The following ADAM10 variants were observed in gnomAD, a reference collection of about 807,000 sequenced individuals.
The protein encoded by ADAM10 is ADAM metallopeptidase domain 10, also known as disintegrin and metalloproteinase domain-containing protein 10.
In ADAM10, 17 loss-of-function variants were observed where a neutral mutation model predicts 90.1. That is an observed-to-expected ratio of 0.19 (90% CI 0.13 to 0.28). The LOEUF (loss-of-function observed/expected upper bound fraction) is 0.28, where lower values mean the gene tolerates loss of function less well. Among genes scored for constraint, ADAM10 ranks in the 10% least tolerant of loss-of-function variants. The pLI is 1.00. For synonymous variants in ADAM10, 310 were observed against 298.6 expected (o/e 1.04, Z -0.40); for missense variants, 610 against 914.3 (o/e 0.67, Z 4.29).
At chr15:58,602,953 AT>A (rs1895155866) in intron 14 of ADAM10, among the ~76,000 whole-genome samples, 1 of 152,214 alleles carries the variant, frequency 6.6e-6, no homozygotes, top group Admixed American at 6.5e-5. Flanking sequence ...TTTAAAATCT[AT>A]TTTTAAATGC....
At chr15:58,675,485 T>C (rs1290783523) in intron 4 of ADAM10, among the ~76,000 whole-genome samples, 1 of 152,206 alleles carries the variant, frequency 6.6e-6, no homozygotes, top group Non-Finnish European at 1.5e-5. Context: ...TATTCTAGTT[T>C]ATGGAACAAT....
At chr15:58,739,088 T>A (rs918536323) in intron 1 of ADAM10, among the ~76,000 whole-genome samples, 1 of 152,064 alleles carries the variant, frequency 6.6e-6, no homozygotes, top group Non-Finnish European at 1.5e-5. Context: ...TGCTCTACAT[T>A]AAAGAAAAAG....
chr15:58,683,692 T>G (rs548746688), intron 2 of ADAM10, among the ~76,000 whole-genome samples: 2 of 151,638 alleles, frequency 1.3e-5, no homozygotes, highest in Admixed American at 6.6e-5. Context: ...CAAAACCGTC[T>G]CTACTAAAAA....
chr15:58,666,579 T>C (rs1474272174), intron 4 of ADAM10, among the ~76,000 whole-genome samples: 1 of 151,886 alleles, frequency 6.6e-6, no homozygotes, highest in Non-Finnish European at 1.5e-5. Context: ...TAATAATCAA[T>C]GGGGAAAAAA....
At chr15:58,620,336 AC>A (rs1895742312) in intron 11 of ADAM10, among the ~76,000 whole-genome samples, 1 of 152,034 alleles carries the variant, frequency 6.6e-6, no homozygotes, top group Admixed American at 6.6e-5. Flanking sequence ...GCATGGAGGC[AC>A]ACACCTGTAG....
chr15:58,594,377 T>C lies in ADAM10; in HGVS notation c.*3170A>G, dbSNP rs867600175. The C allele has an allele frequency of 5.3e-5, 8 of 152,312 alleles. 1 individual carries two copies. Among genetic ancestry groups the C allele is most frequent in the Middle Eastern group, 3.4e-3 (1 of 294 alleles). 9.4% of individuals were successfully genotyped at this position (152,312 alleles called of 1,614,324 possible). A position where few individuals can be genotyped will look rare whatever the true frequency, so the allele number is the denominator to read the frequency against. On this transcript the variant is annotated 3_prime_UTR_variant, in exon 16 of 16. Transcript: ENST00000260408. ...CAATCCCATCTTTAAGAAATAATAATAATTAGGTCTTACTACAGGGACAAA... is the reference window on the plus strand; with the variant it reads ...CAATCCCATCTTTAAGAAATAATAACAATTAGGTCTTACTACAGGGACAAA...
intron 5 of ADAM10, among the ~76,000 whole-genome samples, chr15:58,646,552 T>C (rs146290713): frequency 1.3e-5 from 2 of 152,304 alleles, no homozygotes; most frequent in East Asian, 1.9e-4. Context: ...CAAATTTATC[T>C]CCTAAATACC....
chr15:58,599,808 A>C (rs1310812502), intron 14 of ADAM10, 84 bp from the exon 15 acceptor site: 3 of 1,361,518 alleles, frequency 2.2e-6, no homozygotes, highest in Non-Finnish European at 3.1e-6. Context: ...AAAACATAGA[A>C]TAGAACACAG....
In ADAM10 at chr15:58,667,385, C is replaced by CTT. The variant is rs1166912631; in HGVS notation, c.485-2189_485-2188insAA. 3.3e-5 allele frequency among the ~76,000 whole-genome samples: 5 copies of CTT among 152,242 alleles called. No individual in the cohort carries two copies. In the East Asian group the frequency reaches 9.7e-4, roughly 29 times the overall value. ...CAGATTCTCTGTCAACAGAACTAGG[C>CTT]ATAAAATACTCACTTTTTGCACCCT... On this transcript the variant is annotated intron_variant, in intron 4 of 15. Transcript: ENST00000260408.
At chr15:58,695,900 G>A (rs567025688) in intron 2 of ADAM10, among the ~76,000 whole-genome samples, 7 of 151,920 alleles carry the variant, frequency 4.6e-5, no homozygotes, top group Admixed American at 6.5e-5. Flanking sequence ...GTGGATCACC[G>A]GAGGTCAGGA....
rs543993474 is a variant in ADAM10, at chr15:58,610,166, A to C, written c.2025+131T>G. ...TAATAACCAGAAATATTAGAACTTT[A>C]AAAATCTTCATATAAAGTAATTCTA... On this transcript the variant is annotated intron_variant, in intron 14 of 15. Coordinates refer to ENST00000260408, the MANE Select transcript of ADAM10 (RefSeq NM_001110.4). 2.0e-5 allele frequency: 16 copies of C among 786,630 alleles called. No individual in the cohort carries two copies. The South Asian group carries it at 2.5e-4, about 12-fold the overall frequency. The allele number at this position is 786,630 out of a possible 1,614,324, so 48.7% of individuals were successfully genotyped here.
chr15:58,693,816 T>C (rs1355482921), intron 2 of ADAM10, among the ~76,000 whole-genome samples: 6 of 146,356 alleles, frequency 4.1e-5, no homozygotes, highest in Admixed American at 2.7e-4. Flanking sequence ...GCAATACATA[T>C]GGTCTGACAA....
At chr15:58,734,615 G>A (rs1460982312) in intron 1 of ADAM10, among the ~76,000 whole-genome samples, 2 of 151,624 alleles carry the variant, frequency 1.3e-5, no homozygotes, top group East Asian at 1.9e-4. Context: ...TGGGAGGATC[G>A]CTTGAACCTG....
intron 1 of ADAM10, among the ~76,000 whole-genome samples, chr15:58,723,491 C>G (rs1316449618): frequency 6.6e-6 from 1 of 151,992 alleles, no homozygotes; most frequent in Non-Finnish European, 1.5e-5. Flanking sequence ...TTGAGACCAG[C>G]CTGGCCAACA....
chr15:58,623,399 C>A (rs542092607), intron 10 of ADAM10, among the ~76,000 whole-genome samples: 9 of 152,302 alleles, frequency 5.9e-5, no homozygotes, highest in African/African-American at 2.2e-4. Flanking sequence ...CAGAGCCAGA[C>A]TGGCCTAGAT....
At chr15:58,638,345 T>C (rs1596016583) in intron 8 of ADAM10, among the ~76,000 whole-genome samples, 1 of 152,150 alleles carries the variant, frequency 6.6e-6, no homozygotes, top group African/African-American at 2.4e-5. Flanking sequence ...AGGAAGTATC[T>C]TGTTTCACCT....
intron 1 of ADAM10, among the ~76,000 whole-genome samples, chr15:58,727,224 C>T (rs2140832248): frequency 7.7e-6 from 1 of 129,304 alleles, no homozygotes. Flanking sequence ...CAGCGTTTCG[C>T]TCGTTGCCCA....
intron 2 of ADAM10, among the ~76,000 whole-genome samples, chr15:58,715,649 T>C (rs1898634461): frequency 1.3e-5 from 2 of 152,330 alleles, no homozygotes; most frequent in East Asian, 1.9e-4. Context: ...CCACAGTCTA[T>C]ACTAAGTAAC....
chr15:58,629,801 C>G (rs1420141070), intron 9 of ADAM10, among the ~76,000 whole-genome samples: 5 of 151,284 alleles, frequency 3.3e-5, no homozygotes, highest in African/African-American at 1.2e-4. Context: ...GAGACAGAGT[C>G]TCACTCTGTC....
Sources: gnomAD v4.1 joint callset for allele counts (sites outside exome capture counted in the v4.1 genomes callset) on GRCh38, gnomAD v4.1.1 for gene constraint, MANE v1.5 for transcripts, NCBI Gene and HGNC (gene_info 2026-07-23, HGNC 2026-07-21) for gene names.